PTPRD: variants seen among roughly 807,000 people sequenced by gnomAD.
PTPRD encodes protein tyrosine phosphatase receptor type D.
Under a neutral mutation model 214.5 loss-of-function variants are expected in PTPRD, and 34 were observed. The observed-to-expected ratio is 0.16, with a 90% CI of 0.12 to 0.21. The LOEUF (loss-of-function observed/expected upper bound fraction) is 0.21. Ranked by LOEUF, PTPRD falls within the 10% of genes least tolerant of loss-of-function variation. The pLI is 1.00. For synonymous variants in PTPRD, 1,128 were observed against 845.7 expected (o/e 1.33, Z -5.79); for missense variants, 2,545 against 2,398.7 (o/e 1.06, Z -1.27).
chr9:8,734,135 G>C (rs2098691469), intron 11 of PTPRD, among the ~76,000 whole-genome samples, 189 bp from the exon 12 acceptor site: 1 of 152,172 alleles, frequency 6.6e-6, no homozygotes, highest in Non-Finnish European at 1.5e-5. Context: ...AAATGTAGGA[G>C]TCTTAGACTA....
chr9:9,671,175 G>C (rs2096826016), intron 7 of PTPRD, among the ~76,000 whole-genome samples: 1 of 152,158 alleles, frequency 6.6e-6, no homozygotes, highest in Non-Finnish European at 1.5e-5. Flanking sequence ...CAGTGACCTG[G>C]ATGTAAGACC....
intron 7 of PTPRD, among the ~76,000 whole-genome samples, chr9:9,600,699 C>T (rs2093681405): frequency 6.6e-6 from 1 of 152,022 alleles, no homozygotes; most frequent in African/African-American, 2.4e-5. Flanking sequence ...CTATGAATCT[C>T]ACAAGCTATG....
At chr9:9,883,715 T>A (rs1395862252) in intron 5 of PTPRD, among the ~76,000 whole-genome samples, 4 of 152,176 alleles carry the variant, frequency 2.6e-5, no homozygotes, top group African/African-American at 9.6e-5. Context: ...TAGCCAGCTT[T>A]TATTACCAGT....
intron 8 of PTPRD, among the ~76,000 whole-genome samples, chr9:9,486,167 A>AAC (rs2095625692): frequency 7.0e-6 from 1 of 143,840 alleles, no homozygotes; most frequent in African/African-American, 2.5e-5. Flanking sequence ...AAAAAAAAAA[A>AAC]AAAAAAAAAA....
At chr9:10,311,565 C>T (rs753235392) in intron 3 of PTPRD, among the ~76,000 whole-genome samples, 1 of 151,996 alleles carries the variant, frequency 6.6e-6, no homozygotes, top group African/African-American at 2.4e-5. Flanking sequence ...TGCATTTACA[C>T]ATTTATTTAG....
chr9:9,687,239 T>C lies in PTPRD; in HGVS notation c.-287+47294A>G, dbSNP rs569110891. Among the ~76,000 whole-genome samples the C allele has an allele frequency of 2.6e-5, 4 of 151,984 alleles. No homozygotes were observed. The South Asian group carries it at 8.3e-4, about 32-fold the overall frequency. On this transcript the variant is annotated intron_variant, in intron 7 of 45. Transcript: ENST00000381196. ...TATGTTTAAAACCTTGAGACATTTG[T>C]CTACCCAATGTTAGAAAAATACAGA...
intron 2 of PTPRD, among the ~76,000 whole-genome samples, chr9:10,382,900 G>A (rs999379213): frequency 1.3e-5 from 2 of 151,828 alleles, no homozygotes; most frequent in African/African-American, 4.8e-5. Context: ...CCATGGTGTG[G>A]AAGTGTGGTG....
At chr9:10,522,139 G>T (rs976919529) in intron 2 of PTPRD, among the ~76,000 whole-genome samples, 4 of 152,116 alleles carry the variant, frequency 2.6e-5, no homozygotes, top group African/African-American at 9.7e-5. Context: ...GAAAGGTTTG[G>T]TCTTCCTGAC....
At chr9:9,788,074 G>A (rs1322993150) in intron 5 of PTPRD, among the ~76,000 whole-genome samples, 1 of 151,358 alleles carries the variant, frequency 6.6e-6, no homozygotes, top group Non-Finnish European at 1.5e-5. Context: ...GTGAGCCATC[G>A]CGCCCAGCCT....
chr9:10,075,180 G>A (rs1444018547), intron 3 of PTPRD, among the ~76,000 whole-genome samples: 1 of 152,010 alleles, frequency 6.6e-6, no homozygotes, highest in African/African-American at 2.4e-5. Context: ...CTTTTGCTGA[G>A]TACTTGCAAT....
chr9:9,119,182 T>G (rs1377889473), intron 10 of PTPRD, among the ~76,000 whole-genome samples: 6 of 152,236 alleles, frequency 3.9e-5, no homozygotes, highest in African/African-American at 1.4e-4. Context: ...GAGTTTATCT[T>G]ATTATGACTC....
chr9:10,177,305 A>T (rs561105148), intron 3 of PTPRD, among the ~76,000 whole-genome samples: 3 of 151,876 alleles, frequency 2.0e-5, no homozygotes, highest in East Asian at 3.9e-4. Context: ...TAAATTGAAG[A>T]TGCCTAATAA....
At chr9:9,729,063 C>T (rs770858202) in intron 7 of PTPRD, among the ~76,000 whole-genome samples, 42 of 152,210 alleles carry the variant, frequency 2.8e-4, no homozygotes, top group Non-Finnish European at 4.1e-4. Context: ...TCTTTGGAAA[C>T]GTGGCTCTAG....
intron 3 of PTPRD, among the ~76,000 whole-genome samples, chr9:10,187,598 A>G (rs1322163): frequency 0.13 from 19,367 of 152,198 alleles, 1,299 homozygotes; most frequent in Non-Finnish European, 0.16. Context: ...CCATATTTCT[A>G]AAATAAAGAC....
intron 11 of PTPRD, among the ~76,000 whole-genome samples, chr9:8,935,259 C>T (rs991151890): frequency 6.6e-6 from 1 of 152,022 alleles, no homozygotes; most frequent in African/African-American, 2.4e-5. Flanking sequence ...AGTAAAGTTG[C>T]AGAATACAAA....
intron 2 of PTPRD, among the ~76,000 whole-genome samples, chr9:10,497,026 C>A (rs761887174): frequency 3.3e-5 from 5 of 151,876 alleles, no homozygotes; most frequent in Non-Finnish European, 7.4e-5. Flanking sequence ...TGGCCATAAT[C>A]CTAAGTGAAT....
intron 11 of PTPRD, among the ~76,000 whole-genome samples, chr9:8,766,744 T>C (rs185443274): frequency 6.6e-6 from 1 of 152,338 alleles, no homozygotes; most frequent in East Asian, 1.9e-4. Context: ...ATAATTGTCT[T>C]ACTTGTTTTT....
At chr9:8,550,067 G>C (rs2081544690) in intron 14 of PTPRD, among the ~76,000 whole-genome samples, 1 of 152,106 alleles carries the variant, frequency 6.6e-6, no homozygotes, top group Non-Finnish European at 1.5e-5. Context: ...AGTCAGAATT[G>C]AAAAGAACAA....
chr9:9,022,058 T>G (rs940853879), intron 10 of PTPRD, among the ~76,000 whole-genome samples: 1 of 151,890 alleles, frequency 6.6e-6, no homozygotes, highest in East Asian at 1.9e-4. Context: ...GGTTCATAGG[T>G]GCAGCAGACC....
Sources: gnomAD v4.1 joint callset for allele counts (sites outside exome capture counted in the v4.1 genomes callset) on GRCh38, gnomAD v4.1.1 for gene constraint, MANE v1.5 for transcripts, NCBI Gene and HGNC (gene_info 2026-07-23, HGNC 2026-07-21) for gene names.